Variants in E4F1 observed in about 807,000 individuals in gnomAD.
E4F1 encodes E4F transcription factor 1.
A neutral mutation model predicts 72.9 loss-of-function variants in E4F1; 30 were observed. The observed-to-expected ratio is 0.41, with a 90% CI of 0.31 to 0.56. The LOEUF is 0.56. Ranked by LOEUF, E4F1 falls within the 20% of genes least tolerant of loss-of-function variation. The pLI is 0.25. For missense variants in E4F1, 1,091 were observed against 1,117.5 expected, an observed-to-expected ratio of 0.98 and a Z score of 0.34; for synonymous variants, 542 against 478.2, an observed-to-expected ratio of 1.13 and a Z score of -1.74.
chr16:2,233,639 C>T lies in E4F1; in HGVS notation c.1258C>T (p.Leu420=), dbSNP rs1229087590. Residue 420 remains leucine, a synonymous_variant, in exon 8 of 14, where the codon CTG becomes TTG. Coordinates refer to ENST00000301727, the MANE Select transcript of E4F1 (RefSeq NM_004424.5). ...PQLPVLEVQP[L]ETQVASEASA... Reference sequence around the variant, plus strand: ...GCTGCCGGTACTGGAAGTGCAGCCGCTGGAGACAGTAGGTGCCAGCACCAC... The same window carrying T: ...GCTGCCGGTACTGGAAGTGCAGCCGTTGGAGACAGTAGGTGCCAGCACCAC... 9 of 1,523,558 alleles carry T rather than the reference C, an allele frequency of 5.9e-6. No homozygotes were observed. Among genetic ancestry groups the T allele is most frequent in the Non-Finnish European group, 7.9e-6 (9 of 1,135,564 alleles). 94.4% of individuals were successfully genotyped at this position (1,523,558 alleles called of 1,614,324 possible). A position where few individuals can be genotyped will look rare whatever the true frequency, so the allele number is the denominator to read the frequency against.
At chr16:2,228,984 A>G (rs2093449314) in intron 2 of E4F1, among the ~76,000 whole-genome samples, 2 of 152,178 alleles carry the variant, frequency 1.3e-5, no homozygotes, top group African/African-American at 4.8e-5. Context: ...AGGCCTGTGA[A>G]CCCCGCACAC....
intron 11 of E4F1, 24 bp downstream of exon 11, chr16:2,234,805 G>A (rs761150421): frequency 1.9e-6 from 3 of 1,542,466 alleles, no homozygotes; most frequent in Non-Finnish European, 2.6e-6. Flanking sequence ...GAGGTGGGAG[G>A]GGGAGGGGAG....
chr16:2,232,676 G>C (rs2093475491), intron 5 of E4F1, 80 bp from the exon 6 acceptor site: 4 of 1,605,868 alleles, frequency 2.5e-6, no homozygotes, highest in Middle Eastern at 1.8e-4. Flanking sequence ...GATGAGGCGG[G>C]GGCCCCTGCC....
Position 2,227,856 on chromosome 16 carries a change from G to T in E4F1, c.158-516G>T, listed in dbSNP as rs187574364. On this transcript the variant is annotated intron_variant, in intron 1 of 13. Transcript: ENST00000301727. Reference sequence around the variant, plus strand: ...TTTTTTTTTTTTTTGGTAGAGATGGGTCTTGCTATGTTGACCAGGCTCGTC... The same window carrying T: ...TTTTTTTTTTTTTTGGTAGAGATGGTTCTTGCTATGTTGACCAGGCTCGTC... Among the ~76,000 whole-genome samples the T allele has an allele frequency of 2.3e-3, 348 of 149,650 alleles. 1 individual carries two copies. Among genetic ancestry groups the T allele is most frequent in the African/African-American group, 8.3e-3 (337 of 40,404 alleles).
Position 2,232,891 on chromosome 16 carries a change from A to G in E4F1, c.866A>G (p.Lys289Arg), listed in dbSNP as rs772755097. The change falls in exon 6 of 14, where the codon AAA (lysine) becomes AGA (arginine). Residue 289 changes from lysine (K) to arginine (R), a missense_variant. Physicochemically the swap from Lys to Arg is conservative, Grantham distance 26. Transcript: ENST00000301727. ...FSVSKDVVVS[K>R]EDARAGSGAG... ...GTGAGCAAGGACGTGGTTGTCAGCA[A>G]AGAGGACGCACGTGCAGGTCAGCAT... 6.2e-7 allele frequency: 1 copy of G among 1,613,358 alleles called. No individual in the cohort carries two copies. Among genetic ancestry groups the G allele is most frequent in the South Asian group, 1.1e-5 (1 of 91,086 alleles).
rs751126806 is a variant in E4F1 at position 2,233,543 on chromosome 16, G to A, written c.1162G>A (p.Glu388Lys). 2.0e-6 allele frequency: 3 copies of A among 1,522,256 alleles called. No homozygotes were observed. In the Admixed American group the frequency reaches 6.1e-5, roughly 31 times the overall value. 94.3% of individuals were successfully genotyped at this position (1,522,256 alleles called of 1,614,324 possible). ...CATCGTCCTTGAGCGCGCTGCTGGG[G>A]AGGAGGGTGCCCTGGAGCCAGCTCC... ...SGIVLERAAG[E>K]EGALEPAPAA... is the part of the protein sequence containing the mutation. Residue 388 changes from glutamate to lysine, a missense_variant, in exon 8 of 14, where the codon GAG becomes AAG. Glu to Lys is a moderately conservative substitution (Grantham distance 56). Coordinates refer to ENST00000301727, the MANE Select transcript of E4F1 (RefSeq NM_004424.5).
At chr16:2,226,185 G>A (rs2093431715) in intron 1 of E4F1, among the ~76,000 whole-genome samples, 1 of 152,208 alleles carries the variant, frequency 6.6e-6, no homozygotes, top group African/African-American at 2.4e-5. Context: ...GTCCCCATAG[G>A]ATTCATAGTC....
At chr16:2,228,626 C>A in intron 2 of E4F1, 103 bp downstream of exon 2, 1 of 1,417,898 alleles carries the variant, frequency 7.1e-7, no homozygotes. Flanking sequence ...CCGGGGGCCA[C>A]GTGGGCGGGC....
At position 2,233,602 on chromosome 16, in the gene E4F1, G is replaced by T; in HGVS notation, c.1221G>T (p.Val407=). The change falls in exon 8 of 14, where the codon GTG becomes GTT. Residue 407 remains valine (V), a synonymous_variant. Transcript: ENST00000301727. ...GGTCCAGTCCCCAGCCCCTGGCAGT[G>T]GCAGCCCCGCAGCTGCCGGTACTGG... ...AAGSSPQPLA[V]AAPQLPVLEV... 2.0e-6 allele frequency: 3 copies of T among 1,509,642 alleles called. No individual in the cohort carries two copies. The highest frequency in any genetic ancestry group is 8.9e-7 in the Non-Finnish European group (1 of 1,127,798). 93.5% of individuals were successfully genotyped at this position (1,509,642 alleles called of 1,614,324 possible).
Position 2,234,858 on chromosome 16 carries a change from G to A in E4F1, c.1793-1G>A, listed in dbSNP as rs1450994562. On this transcript the variant is annotated splice_acceptor_variant, in intron 11 of 13. Coordinates refer to ENST00000301727, the MANE Select transcript of E4F1 (RefSeq NM_004424.5). LOFTEE classifies it high-confidence loss of function. ...AGCCCTGACCGAGTCCCCACCCACA[G>A]GGGGCTGCCTGCTGGAGGTGGAGGA... The A allele has an allele frequency of 2.6e-6, 4 of 1,549,360 alleles. No individual in the cohort carries two copies. Among genetic ancestry groups the A allele is most frequent in the Non-Finnish European group, 3.5e-6 (4 of 1,146,860 alleles).
intron 2 of E4F1, 97 bp from the exon 3 acceptor site, chr16:2,229,473 C>T (rs926772862): frequency 4.3e-5 from 57 of 1,332,456 alleles, no homozygotes; most frequent in Non-Finnish European, 5.7e-5. Context: ...ACAAGTCACA[C>T]CTCCACAGCT....
rs2093456845 is a variant in E4F1, at chr16:2,229,921, C to A, written c.415+246C>A. 3 of 485,654 alleles carry A rather than the reference C, an allele frequency of 6.2e-6. No homozygotes were observed. In the South Asian group the frequency reaches 6.7e-5, roughly 11 times the overall value. 30.1% of individuals were successfully genotyped at this position (485,654 alleles called of 1,614,324 possible). ...GGCACCAGGGAGTCATTGGGCTGTG[C>A]TCTCTCCCGTCAGCTTTCCCGGGTG... On this transcript the variant is annotated intron_variant, in intron 3 of 13. Transcript: ENST00000301727.
chr16:2,234,843 G>A lies in E4F1; in HGVS notation c.1793-16G>A, dbSNP rs1185408092. Reference sequence around the variant, plus strand: ...GGCCGGGGCTTGCCTAGCCCTGACCGAGTCCCCACCCACAGGGGGCTGCCT... The same window carrying A: ...GGCCGGGGCTTGCCTAGCCCTGACCAAGTCCCCACCCACAGGGGGCTGCCT... On this transcript the variant is annotated splice_polypyrimidine_tract_variant and intron_variant, in intron 11 of 13. Transcript: ENST00000301727. 8 of 1,548,220 alleles carry A rather than the reference G, an allele frequency of 5.2e-6. No homozygotes were observed. The Admixed American group carries it at 5.9e-5, about 11-fold the overall frequency.
At position 2,234,627 on chromosome 16, in the gene E4F1, G is replaced by T. The variant is rs750073803; in HGVS notation, c.1638G>T (p.Pro546=). ...VHFRTHLEEK[P]HVCQFCSRGF... Reference sequence around the variant, plus strand: ...TCAGGACACACCTGGAGGAGAAGCCGCACGTGTGCCAGTTCTGCAGCCGTG... The same window carrying T: ...TCAGGACACACCTGGAGGAGAAGCCTCACGTGTGCCAGTTCTGCAGCCGTG... The change falls in exon 11 of 14, where the codon CCG becomes CCT. Residue 546 remains proline (P), a synonymous_variant. Coordinates refer to ENST00000301727, the MANE Select transcript of E4F1 (RefSeq NM_004424.5). The T allele has an allele frequency of 1.9e-6, 3 of 1,601,024 alleles. No individual in the cohort carries two copies.
chr16:2,225,822 G>A (rs1466268688), intron 1 of E4F1, among the ~76,000 whole-genome samples: 2 of 149,350 alleles, frequency 1.3e-5, no homozygotes, highest in South Asian at 2.1e-4. Flanking sequence ...AAGGCTGGGC[G>A]CAATGGCTCG....
intron 3 of E4F1, 199 bp from the exon 4 acceptor site, chr16:2,231,972 G>C (rs549939621): frequency 6.2e-6 from 4 of 641,346 alleles, no homozygotes; most frequent in Admixed American, 6.1e-5. Context: ...GAGTCGGGAG[G>C]TGTCTCTCCA....
chr16:2,229,681 C>T lies in E4F1; in HGVS notation c.415+6C>T, dbSNP rs2093454914. 2.5e-6 allele frequency: 4 copies of T among 1,612,508 alleles called. No individual in the cohort carries two copies. The highest frequency in any genetic ancestry group is 3.4e-6 in the Non-Finnish European group (4 of 1,179,812). On this transcript the variant is annotated splice_donor_region_variant and intron_variant, in intron 3 of 13. Transcript: ENST00000301727. ...CCACGCATCTGACCTTGTTGGTAAG[C>T]CGACTTCCATGAATCGCTGGCCTGA...
chr16:2,232,343 G>C lies in E4F1; in HGVS notation c.588G>C (p.Leu196=). Residue 196 remains leucine (L), a synonymous_variant, in exon 4 of 14, where the codon CTG becomes CTC. Transcript: ENST00000301727. The part of the protein sequence containing the change: ...VNKDGRYVCA[L]CHKTFKTGSI... ...AGGATGGCCGCTATGTGTGTGCGCT[G>C]TGCCACAAGACCTTCAAGACGGTGA... 6.2e-7 allele frequency: 1 copy of C among 1,605,180 alleles called. No individual in the cohort carries two copies. The highest frequency in any genetic ancestry group is 8.5e-7 in the Non-Finnish European group (1 of 1,174,880).
At chr16:2,226,451 A>G (rs918445106) in intron 1 of E4F1, among the ~76,000 whole-genome samples, 8 of 152,158 alleles carry the variant, frequency 5.3e-5, no homozygotes, top group African/African-American at 1.9e-4. Context: ...AGCCATCAGG[A>G]GAGGACGACT....
Sources: gnomAD v4.1 joint callset for allele counts (sites outside exome capture counted in the v4.1 genomes callset) on GRCh38, gnomAD v4.1.1 for gene constraint, MANE v1.5 for transcripts, NCBI Gene and HGNC (gene_info 2026-07-23, HGNC 2026-07-21) for gene names.